Variants in EBF1 observed in about 807,000 individuals in gnomAD.
EBF1 encodes the protein EBF transcription factor 1, also known as transcription factor COE1.
A neutral mutation model predicts 68.4 loss-of-function variants in EBF1; 10 were observed. The observed-to-expected ratio is 0.15, with a 90% confidence interval of 0.09 to 0.25. EBF1 has a LOEUF of 0.25. Among genes scored for constraint, EBF1 ranks in the 10% least tolerant of loss-of-function variants. EBF1 has a pLI of 1.00. For missense variants in EBF1, 509 were observed against 794.4 expected (o/e 0.64, Z 4.32); for synonymous variants, 298 against 299.8 (o/e 0.99, Z 0.06).
intron 7 of EBF1, among the ~76,000 whole-genome samples, chr5:158,827,195 TG>T (rs1786355465): frequency 6.6e-6 from 1 of 152,194 alleles, no homozygotes; most frequent in South Asian, 2.1e-4. Flanking sequence ...CAAAAGAATG[TG>T]TCGGGTTGAT....
At chr5:159,015,951 A>G (rs1424776302) in intron 6 of EBF1, among the ~76,000 whole-genome samples, 1 of 152,234 alleles carries the variant, frequency 6.6e-6, no homozygotes, top group Admixed American at 6.5e-5. Context: ...TTTGAGCACC[A>G]CTGAGCTGGA....
chr5:158,854,430 C>T lies in EBF1; in HGVS notation c.555-14320G>A, dbSNP rs113729387. ...TTTCTCCCAGACCTTTGGCAGCTGACGGGTTGGGTGAAGGGAGAAGTTGGG... is the reference window on the plus strand; with the variant it reads ...TTTCTCCCAGACCTTTGGCAGCTGATGGGTTGGGTGAAGGGAGAAGTTGGG... On this transcript the variant is annotated intron_variant, in intron 6 of 15. Coordinates refer to ENST00000313708, the MANE Select transcript of EBF1 (RefSeq NM_024007.5). Among the ~76,000 whole-genome samples, 1,015 of 152,220 alleles carry T rather than the reference C, an allele frequency of 6.7e-3. 15 individuals carry two copies. Among genetic ancestry groups the T allele is most frequent in the African/African-American group, 0.023 (960 of 41,542 alleles).
intron 5 of EBF1, among the ~76,000 whole-genome samples, chr5:159,075,894 G>A (rs1435927438): frequency 2.6e-5 from 4 of 152,062 alleles, no homozygotes; most frequent in African/African-American, 4.8e-5. Flanking sequence ...GACCCTGGCC[G>A]ACTCTTGCCT....
At chr5:158,807,372 T>G (rs140099656) in intron 8 of EBF1, among the ~76,000 whole-genome samples, 138 of 152,224 alleles carry the variant, frequency 9.1e-4, no homozygotes, top group Middle Eastern at 3.4e-3. Flanking sequence ...AAAAGGAAGA[T>G]GATTTCTGAG....
intron 6 of EBF1, among the ~76,000 whole-genome samples, chr5:158,880,969 C>T (rs1798788802): frequency 6.6e-6 from 1 of 152,046 alleles, no homozygotes; most frequent in African/African-American, 2.4e-5. Flanking sequence ...AACCTCACTT[C>T]TGCTGGCAAT....
chr5:158,909,451 G>A (rs1343519930), intron 6 of EBF1, among the ~76,000 whole-genome samples: 3 of 152,156 alleles, frequency 2.0e-5, no homozygotes, highest in Non-Finnish European at 2.9e-5. Context: ...ATATTAAAGA[G>A]GACCAGATAA....
intron 6 of EBF1, among the ~76,000 whole-genome samples, chr5:158,992,783 C>G (rs1203578774): frequency 1.3e-5 from 2 of 152,094 alleles, no homozygotes; most frequent in Non-Finnish European, 2.9e-5. Context: ...GGAACAGCAT[C>G]ATGAGATGTT....
rs56344121 is a variant in EBF1, at chr5:158,866,855, A to ATGTATATG, written c.555-26746_555-26745insCATATACA. On this transcript the variant is annotated intron_variant, in intron 6 of 15. Coordinates refer to ENST00000313708, the MANE Select transcript of EBF1 (RefSeq NM_024007.5). ...TATGTATATATATATATATATATAT[A>ATGTATATG]TATATATATATATATATATATATAT... Among the ~76,000 whole-genome samples, 57 of 12,266 alleles carry ATGTATATG rather than the reference A, an allele frequency of 4.6e-3. 2 individuals carry two copies. Among genetic ancestry groups the ATGTATATG allele is most frequent in the African/African-American group, 0.01 (47 of 4,624 alleles). 8.0% of individuals were successfully genotyped at this position (12,266 alleles called of 152,430 possible).
At chr5:158,984,698 T>C (rs1267934358) in intron 6 of EBF1, 4 of 147,348 alleles carry the variant, frequency 2.7e-5, no homozygotes, top group Admixed American at 2.0e-4. Context: ...TTTTTTTTTT[T>C]TTTTTTGAGA....
chr5:158,815,293 C>G (rs534679778), intron 8 of EBF1, among the ~76,000 whole-genome samples: 8 of 152,260 alleles, frequency 5.3e-5, no homozygotes, highest in African/African-American at 1.4e-4. Flanking sequence ...ATTCTTAGCA[C>G]TGTTATTAGG....
Position 158,727,138 on chromosome 5 carries a change from C to G in EBF1, c.1125+3931G>C, listed in dbSNP as rs966193760. Among the ~76,000 whole-genome samples, 8 of 152,254 alleles carry G rather than the reference C, an allele frequency of 5.3e-5. No individual in the cohort carries two copies. In the East Asian group the frequency reaches 9.6e-4, roughly 18 times the overall value. ...CATCCTTCTGACTTGAGAGCCCACT[C>G]TCTTGGCCTCTATGATCTTCGAAAA... On this transcript the variant is annotated intron_variant, in intron 11 of 15. Transcript: ENST00000313708.
intron 6 of EBF1, among the ~76,000 whole-genome samples, chr5:159,070,413 C>G (rs1405849951): frequency 6.6e-6 from 1 of 152,166 alleles, no homozygotes; most frequent in African/African-American, 2.4e-5. Flanking sequence ...TTCTAAATCA[C>G]AGTTTGCAAC....
At chr5:159,030,893 C>G (rs1231963354) in intron 6 of EBF1, among the ~76,000 whole-genome samples, 1 of 152,136 alleles carries the variant, frequency 6.6e-6, no homozygotes, top group Non-Finnish European at 1.5e-5. Flanking sequence ...AAAACAGTAG[C>G]CGGGCATGGT....
intron 11 of EBF1, among the ~76,000 whole-genome samples, chr5:158,725,775 C>G (rs1460104502): frequency 6.6e-6 from 1 of 152,150 alleles, no homozygotes; most frequent in Non-Finnish European, 1.5e-5. Context: ...TTCCGGTGTG[C>G]TCTCTGGGTT....
intron 10 of EBF1, among the ~76,000 whole-genome samples, chr5:158,756,142 C>T (rs535443902): frequency 3.3e-5 from 5 of 152,024 alleles, no homozygotes; most frequent in African/African-American, 9.7e-5. Flanking sequence ...TTGGTTGAGC[C>T]CCCCAGATTC....
At chr5:158,722,107 T>G (rs144501475) in intron 11 of EBF1, among the ~76,000 whole-genome samples, 35 of 152,262 alleles carry the variant, frequency 2.3e-4, no homozygotes, top group African/African-American at 8.2e-4. Context: ...TGTACTGGTT[T>G]AAGACCAACG....
At chr5:159,064,899 C>CTTTTTTTTTTTTT (rs57256923) in intron 6 of EBF1, among the ~76,000 whole-genome samples, 54 of 67,918 alleles carry the variant, frequency 8.0e-4, no homozygotes, top group African/African-American at 9.1e-4. Flanking sequence ...CTCTTTTCAT[C>CTTTTTTTTTTTTT]TTTTTTTTTT....
chr5:158,990,920 T>C (rs997370740), intron 6 of EBF1, among the ~76,000 whole-genome samples: 4 of 152,128 alleles, frequency 2.6e-5, no homozygotes, highest in African/African-American at 9.7e-5. Context: ...TCAGCACCCA[T>C]GGGCCAATTG....
chr5:158,929,662 A>C (rs1213187938), intron 6 of EBF1, among the ~76,000 whole-genome samples: 2 of 152,236 alleles, frequency 1.3e-5, no homozygotes, highest in Non-Finnish European at 1.5e-5. Context: ...GCATTTCTGA[A>C]GCTGAGGCTT....
Sources: allele counts gnomAD v4.1 joint callset (sites outside exome capture counted in the v4.1 genomes callset), GRCh38; gene constraint gnomAD v4.1.1; transcripts MANE v1.5; gene names NCBI Gene and HGNC (gene_info 2026-07-23, HGNC 2026-07-21).